LDLRAD3: variants seen among roughly 807,000 people sequenced by gnomAD.
LDLRAD3 encodes low density lipoprotein receptor class A domain containing 3, also known as low-density lipoprotein receptor class A domain-containing protein 3.
LDLRAD3 carries 20 observed loss-of-function variants against 29.4 expected under a neutral mutation model. The ratio of observed to expected loss-of-function variants is 0.68; its 90% CI spans 0.48 to 0.99. The LOEUF (loss-of-function observed/expected upper bound fraction) is 0.99, where lower values mean the gene tolerates loss of function less well. Ranked by LOEUF, LDLRAD3 falls within the 50% of genes least tolerant of loss-of-function variation. LDLRAD3 has a pLI of 0.00. For missense variants in LDLRAD3, 420 were observed against 454.3 expected, an observed-to-expected ratio of 0.92 and a Z score of 0.69; for synonymous variants, 157 against 192.7, an observed-to-expected ratio of 0.81 and a Z score of 1.53.
At chr11:36,093,102 G>T (rs1339944873) in intron 3 of LDLRAD3, among the ~76,000 whole-genome samples, 1 of 152,210 alleles carries the variant, frequency 6.6e-6, no homozygotes, top group Non-Finnish European at 1.5e-5. Context: ...GGTGTTTGTG[G>T]ACCAGGGAGA....
chr11:36,101,684 G>A (rs1306035386), intron 4 of LDLRAD3, among the ~76,000 whole-genome samples: 3 of 152,064 alleles, frequency 2.0e-5, no homozygotes, highest in Admixed American at 2.0e-4. Flanking sequence ...TATTAAGGGT[G>A]TGTTTTCTTG....
chr11:36,173,685 C>A (rs1206015968), intron 4 of LDLRAD3, among the ~76,000 whole-genome samples: 1 of 152,028 alleles, frequency 6.6e-6, no homozygotes, highest in Non-Finnish European at 1.5e-5. Context: ...GATTTATAAT[C>A]CTTTGGGTAT....
At chr11:36,217,044 A>G (rs983469007) in intron 4 of LDLRAD3, among the ~76,000 whole-genome samples, 24 of 152,216 alleles carry the variant, frequency 1.6e-4, no homozygotes, top group African/African-American at 5.8e-4. Context: ...CTCTCTGTTA[A>G]TAAAATGGCA....
Position 35,970,539 on chromosome 11 carries a change from G to T in LDLRAD3, c.46+26395G>T, listed in dbSNP as rs1204025519. On this transcript the variant is annotated intron_variant, in intron 1 of 5. Coordinates refer to ENST00000315571, the MANE Select transcript of LDLRAD3 (RefSeq NM_174902.4). ...TAGAATTGTGAAAGAACATATTTTTGTTGTTTTAAGCCACTCAGTTCGTGG... is the reference window on the plus strand; with the variant it reads ...TAGAATTGTGAAAGAACATATTTTTTTTGTTTTAAGCCACTCAGTTCGTGG... Among the ~76,000 whole-genome samples, 86 of 152,314 alleles carry T rather than the reference G, an allele frequency of 5.6e-4. 1 individual carries two copies. Among genetic ancestry groups the T allele is most frequent in the Non-Finnish European group, 4.4e-5 (3 of 68,032 alleles).
intron 3 of LDLRAD3, among the ~76,000 whole-genome samples, chr11:36,095,883 A>C (rs1462042642): frequency 6.6e-6 from 1 of 152,176 alleles, no homozygotes; most frequent in Non-Finnish European, 1.5e-5. Context: ...GTCCTAGAGA[A>C]GCTGAAGGCC....
intron 3 of LDLRAD3, among the ~76,000 whole-genome samples, chr11:36,089,961 C>G (rs533770119): frequency 2.7e-4 from 41 of 152,138 alleles, no homozygotes; most frequent in Non-Finnish European, 5.0e-4. Flanking sequence ...GGCCCACATG[C>G]TATTTTCCAT....
At chr11:36,002,748 T>C (rs1483881277) in intron 1 of LDLRAD3, among the ~76,000 whole-genome samples, 3 of 152,182 alleles carry the variant, frequency 2.0e-5, no homozygotes, top group Non-Finnish European at 4.4e-5. Context: ...TTAGCCTGGC[T>C]TGCTTCACTG....
chr11:36,152,824 A>G (rs1403003943), intron 4 of LDLRAD3, among the ~76,000 whole-genome samples: 1 of 152,172 alleles, frequency 6.6e-6, no homozygotes, highest in East Asian at 1.9e-4. Context: ...CTTTTGCTCT[A>G]ATACATTGTG....
intron 4 of LDLRAD3, among the ~76,000 whole-genome samples, chr11:36,146,994 TAGTC>T (rs1390641748): frequency 6.6e-6 from 1 of 151,590 alleles, no homozygotes; most frequent in African/African-American, 2.4e-5. Context: ...TTCACCGTGT[TAGTC>T]AGGCTGGTCT....
At chr11:36,210,497 A>G (rs1855269344) in intron 4 of LDLRAD3, among the ~76,000 whole-genome samples, 1 of 152,116 alleles carries the variant, frequency 6.6e-6, no homozygotes, top group Non-Finnish European at 1.5e-5. Flanking sequence ...ATAGAATTGA[A>G]TGAGTAACTT....
chr11:36,139,966 AGGT>A (rs1330112599), intron 4 of LDLRAD3, among the ~76,000 whole-genome samples: 1 of 152,208 alleles, frequency 6.6e-6, no homozygotes, highest in Non-Finnish European at 1.5e-5. Context: ...AGTCAAGAAT[AGGT>A]CAGCCTTACA....
intron 4 of LDLRAD3, among the ~76,000 whole-genome samples, chr11:36,154,306 G>A (rs1000915613): frequency 1.3e-5 from 2 of 152,132 alleles, no homozygotes; most frequent in Non-Finnish European, 2.9e-5. Flanking sequence ...CCCAGCCTGC[G>A]GGTGAGCCAG....
intron 4 of LDLRAD3, among the ~76,000 whole-genome samples, chr11:36,215,438 G>A (rs531615260): frequency 2.6e-5 from 4 of 152,306 alleles, no homozygotes; most frequent in African/African-American, 9.6e-5. Flanking sequence ...AGGTGGAAGG[G>A]ACAGTGGCTG....
Position 35,991,867 on chromosome 11 carries a change from T to TTGTGTGTGTGTGTGTGTGTGTG in LDLRAD3, c.47-44220_47-44199dup, listed in dbSNP as rs33941156. On this transcript the variant is annotated intron_variant, in intron 1 of 5. Transcript: ENST00000315571. ...AGCAGTTCATAAATTGAATGGTTGT[T>TTGTGTGTGTGTGTGTGTGTGTG]TGTGTGTGTGTGTGTGTGTGTGTGT... is the stretch of plus-strand genomic sequence containing the variant. Among the ~76,000 whole-genome samples the TTGTGTGTGTGTGTGTGTGTGTG allele has an allele frequency of 1.4e-3, 114 of 82,754 alleles. 1 individual carries two copies. The highest frequency in any genetic ancestry group is 2.7e-3 in the African/African-American group (91 of 33,216). The allele number at this position is 82,754 out of a possible 152,430, so 54.3% of individuals were successfully genotyped here. A position where few individuals can be genotyped will look rare whatever the true frequency, so the allele number is the denominator to read the frequency against.
rs71044545 is a variant in LDLRAD3, at chr11:36,054,711, G to GTGGATGGATGGATGGA, written c.193+18475_193+18490dup. Among the ~76,000 whole-genome samples the GTGGATGGATGGATGGA allele has an allele frequency of 6.4e-4, 93 of 146,326 alleles. 1 individual carries two copies. The highest frequency in any genetic ancestry group is 9.5e-4 in the African/African-American group (38 of 39,824). ...CATAGATGAATGGGTGGATGGGTGG[G>GTGGATGGATGGATGGA]TGGATGGATGGATGGATGGATGGAT... On this transcript the variant is annotated intron_variant, in intron 2 of 5. Transcript: ENST00000315571.
chr11:35,944,070 C>T lies in LDLRAD3; in HGVS notation c.-29C>T, dbSNP rs1184013986. 249 of 1,075,398 alleles carry T rather than the reference C, an allele frequency of 2.3e-4. 1 individual carries two copies. Among genetic ancestry groups the T allele is most frequent in the Non-Finnish European group, 2.7e-4 (238 of 888,584 alleles). The allele number at this position is 1,075,398 out of a possible 1,614,324, so 66.6% of individuals were successfully genotyped here. On this transcript the variant is annotated 5_prime_UTR_variant, in exon 1 of 6. It adds an upstream start codon to the 5' untranslated region. Coordinates refer to ENST00000315571, the MANE Select transcript of LDLRAD3 (RefSeq NM_174902.4). The surrounding 1 kb of genome is among the most constrained non-coding windows in gnomAD (Gnocchi z 4.9). ...GCCGAGGCCGCGGGGGCAGCAACGA[C>T]GCCGGGCAGCGGGAGCGGCGGCCGC...
chr11:36,024,065 C>T (rs141393018), intron 1 of LDLRAD3, among the ~76,000 whole-genome samples: 90 of 152,244 alleles, frequency 5.9e-4, no homozygotes, highest in African/African-American at 1.9e-3. Context: ...GTGACCACCA[C>T]GTTCCAGCTA....
intron 3 of LDLRAD3, among the ~76,000 whole-genome samples, chr11:36,096,722 A>T (rs1853367335): frequency 6.6e-6 from 1 of 152,266 alleles, no homozygotes; most frequent in Non-Finnish European, 1.5e-5. Context: ...TGCTTAGCTT[A>T]GAAGGGGACC....
At chr11:35,970,413 C>T (rs1352521458) in intron 1 of LDLRAD3, among the ~76,000 whole-genome samples, 2 of 152,156 alleles carry the variant, frequency 1.3e-5, no homozygotes, top group African/African-American at 4.8e-5. Flanking sequence ...CAAGGAATGC[C>T]AAGGATTGCC....
Sources: gnomAD v4.1 joint callset for allele counts (sites outside exome capture counted in the v4.1 genomes callset) on GRCh38, gnomAD v4.1.1 for gene constraint, Gnocchi (gnomAD v3.1) non-coding constraint, MANE v1.5 for transcripts, NCBI Gene and HGNC (gene_info 2026-07-23, HGNC 2026-07-21) for gene names.